The following SH3PXD2A variants were observed in gnomAD, a reference collection of about 807,000 sequenced individuals.
SH3PXD2A encodes SH3 and PX domain-containing protein 2A.
A neutral mutation model predicts 115.2 loss-of-function variants in SH3PXD2A; 32 were observed. The ratio of observed to expected loss-of-function variants is 0.28; its 90% CI spans 0.21 to 0.37. SH3PXD2A has a LOEUF of 0.37. Ranked by LOEUF, SH3PXD2A falls within the 10% of genes least tolerant of loss-of-function variation. SH3PXD2A has a pLI of 1.00. For synonymous variants in SH3PXD2A, 610 were observed against 629.1 expected (o/e 0.97, Z 0.45); for missense variants, 1,328 against 1,498.7 (o/e 0.89, Z 1.88).
intron 1 of SH3PXD2A, among the ~76,000 whole-genome samples, chr10:103,832,704 G>A (rs933246553): frequency 6.6e-6 from 1 of 152,166 alleles, no homozygotes; most frequent in Non-Finnish European, 1.5e-5. Flanking sequence ...ATTGAACAAT[G>A]AGAACACTTG....
chr10:103,610,445 T>G (rs1227592839), intron 13 of SH3PXD2A, among the ~76,000 whole-genome samples: 2 of 152,198 alleles, frequency 1.3e-5, no homozygotes, highest in Non-Finnish European at 2.9e-5. Context: ...AATTCAGTGT[T>G]TGGGTGTGTA....
intron 8 of SH3PXD2A, among the ~76,000 whole-genome samples, chr10:103,652,382 C>T (rs536537366): frequency 6.6e-6 from 1 of 152,290 alleles, no homozygotes; most frequent in South Asian, 2.1e-4. Flanking sequence ...CAGCTACACC[C>T]CCACAATGAG....
chr10:103,692,992 G>T, intron 6 of SH3PXD2A, 36 bp downstream of exon 6: 2 of 1,595,838 alleles, frequency 1.3e-6, no homozygotes, highest in South Asian at 1.1e-5. Context: ...AAGCGGGAAG[G>T]AAGGCTGAAG....
chr10:103,718,693 G>A (rs2038137936), intron 5 of SH3PXD2A, among the ~76,000 whole-genome samples: 1 of 151,466 alleles, frequency 6.6e-6, no homozygotes, highest in African/African-American at 2.4e-5. Flanking sequence ...CTACAGAGGA[G>A]GTGACCAATA....
intron 8 of SH3PXD2A, among the ~76,000 whole-genome samples, chr10:103,628,714 A>G (rs1049138881): frequency 6.6e-6 from 1 of 151,764 alleles, no homozygotes; most frequent in African/African-American, 2.4e-5. Flanking sequence ...GGAGACCACA[A>G]CCTTCTCTTA....
chr10:103,790,280 G>C (rs966202713), intron 2 of SH3PXD2A, among the ~76,000 whole-genome samples: 1 of 151,710 alleles, frequency 6.6e-6, no homozygotes, highest in Non-Finnish European at 1.5e-5. Context: ...TCAGCCTCCC[G>C]GGTAGCTGGG....
At position 103,602,152 on chromosome 10, in the gene SH3PXD2A, G is replaced by C. The variant is rs2133905226; in HGVS notation, c.3066C>G (p.Arg1022=). 1.3e-6 allele frequency: 2 copies of C among 1,574,740 alleles called. No individual in the cohort carries two copies. Among genetic ancestry groups the C allele is most frequent in the African/African-American group, 1.3e-5 (1 of 74,094 alleles). The change falls in exon 15 of 15, where the codon CGC becomes CGG. Residue 1022 remains arginine (R), a synonymous_variant. Transcript: ENST00000369774. The part of the protein sequence containing the change: ...VRRNSSFSTA[R]SAAAEAKGRL... ...GGCCCTTGGCCTCGGCGGCAGCGGA[G>C]CGAGCAGTGCTAAAGGAGGAGTTCC...
intron 7 of SH3PXD2A, among the ~76,000 whole-genome samples, chr10:103,664,783 C>T (rs1006410185): frequency 6.6e-6 from 1 of 151,926 alleles, no homozygotes; most frequent in Non-Finnish European, 1.5e-5. Context: ...TCTCCAGCCT[C>T]AGCCTCCCGA....
intron 4 of SH3PXD2A, 141 bp downstream of exon 4, chr10:103,735,591 C>T (rs1270856896): frequency 1.5e-6 from 1 of 683,378 alleles, no homozygotes; most frequent in Non-Finnish European, 2.6e-6. Flanking sequence ...CCCATACCCA[C>T]CCCTCTGGCC....
intron 6 of SH3PXD2A, among the ~76,000 whole-genome samples, chr10:103,673,750 C>A (rs973348261): frequency 6.6e-6 from 1 of 152,146 alleles, no homozygotes; most frequent in Non-Finnish European, 1.5e-5. Flanking sequence ...ACTAATAAAT[C>A]CAGAGTGGGC....
chr10:103,627,861 T>C lies in SH3PXD2A; in HGVS notation c.605-659A>G, dbSNP rs1307064348. On this transcript the variant is annotated intron_variant, in intron 8 of 14. Transcript: ENST00000369774. The surrounding 1 kb of genome is among the most constrained non-coding windows in gnomAD (Gnocchi z 4.4). ...ACCCAGGTCTTGGGACTCCACTAAC[T>C]GCCTTTGGTCCCTTCCGAGAAGGTC... Among the ~76,000 whole-genome samples the C allele has an allele frequency of 6.6e-6, 1 of 152,234 alleles. No individual in the cohort carries two copies. The highest frequency in any genetic ancestry group is 2.4e-5 in the African/African-American group (1 of 41,470).
At chr10:103,709,499 T>C (rs906859842) in intron 5 of SH3PXD2A, among the ~76,000 whole-genome samples, 1 of 152,138 alleles carries the variant, frequency 6.6e-6, no homozygotes, top group Admixed American at 6.5e-5. Flanking sequence ...CTCCAGAAAC[T>C]GCAAACCCAC....
rs2036235114 is a variant in SH3PXD2A at position 103,602,587 on chromosome 10, C to A, written c.2631G>T (p.Trp877Cys). 6.2e-7 allele frequency: 1 copy of A among 1,614,200 alleles called. No individual in the cohort carries two copies. Among genetic ancestry groups the A allele is most frequent in the Non-Finnish European group, 8.5e-7 (1 of 1,180,044 alleles). The change falls in exon 15 of 15, where the codon TGG becomes TGT. Residue 877 changes from tryptophan (W) to cysteine (C), a missense_variant. Trp to Cys is a radical substitution (Grantham distance 215). This residue lies in a region of SH3PXD2A where 574 missense variants were observed against 565.7 expected (regional missense o/e 1.01). Coordinates refer to ENST00000369774, the MANE Select transcript of SH3PXD2A (RefSeq NM_001394015.1). Reference protein sequence around the residue: ...VQVLEKQESGWWYVRFGELEG... With the variant: ...VQVLEKQESGCWYVRFGELEG... ...CCAGCTCCCCAAACCTCACATACCA[C>A]CACCCGCTCTCCTGCTTCTCCAGCA... is the stretch of plus-strand genomic sequence containing the variant.
intron 8 of SH3PXD2A, among the ~76,000 whole-genome samples, chr10:103,636,509 A>T (rs1564850458): frequency 6.6e-6 from 1 of 151,852 alleles, no homozygotes; most frequent in Admixed American, 6.6e-5. Flanking sequence ...ACAGAGCAAG[A>T]GGCCAGGAGA....
intron 6 of SH3PXD2A, among the ~76,000 whole-genome samples, chr10:103,690,590 C>G (rs1299435845): frequency 6.6e-6 from 1 of 152,300 alleles, no homozygotes; most frequent in South Asian, 2.1e-4. Flanking sequence ...TTGGATGAGG[C>G]TAGCCTGCAT....
chr10:103,611,669 C>A (rs147980736), intron 12 of SH3PXD2A, 39 bp from the exon 13 acceptor site: 1 of 1,550,856 alleles, frequency 6.4e-7, no homozygotes, highest in African/African-American at 1.4e-5. Context: ...CCTAGTCAGA[C>A]GATGGGCAAC....
At chr10:103,648,163 A>G (rs2037063766) in intron 8 of SH3PXD2A, among the ~76,000 whole-genome samples, 1 of 152,146 alleles carries the variant, frequency 6.6e-6, no homozygotes, top group Non-Finnish European at 1.5e-5. Flanking sequence ...GTAGACAAGA[A>G]AGAGTATGGA....
intron 6 of SH3PXD2A, among the ~76,000 whole-genome samples, chr10:103,691,802 A>G (rs1014253805): frequency 2.6e-5 from 4 of 152,052 alleles, no homozygotes; most frequent in African/African-American, 9.7e-5. Context: ...CTCACAGCAC[A>G]CAGCTATCAT....
At chr10:103,757,949 G>T (rs1455699069) in intron 3 of SH3PXD2A, among the ~76,000 whole-genome samples, 1 of 152,228 alleles carries the variant, frequency 6.6e-6, no homozygotes, top group Non-Finnish European at 1.5e-5. Context: ...TCCCACATCT[G>T]TGTCCTGCGG....
Sources: gnomAD v4.1 joint callset for allele counts (sites outside exome capture counted in the v4.1 genomes callset) on GRCh38, gnomAD v4.1.1 for gene constraint, gnomAD v4.1.1 regional missense constraint, Gnocchi (gnomAD v3.1) non-coding constraint, MANE v1.5 for transcripts, NCBI Gene and HGNC (gene_info 2026-07-23, HGNC 2026-07-21) for gene names.